ATRN: variants seen among roughly 807,000 people sequenced by gnomAD.
The protein encoded by ATRN is attractin.
ATRN carries 54 observed loss-of-function variants against 178.7 expected under a neutral mutation model. The ratio of observed to expected loss-of-function variants is 0.30; its 90% CI spans 0.24 to 0.38. The LOEUF (loss-of-function observed/expected upper bound fraction) is 0.38, where lower values mean the gene tolerates loss of function less well. ATRN is among the 10% of genes least tolerant of loss of function. The pLI is 1.00. For synonymous variants in ATRN, 636 were observed against 663.0 expected (o/e 0.96, Z 0.63); for missense variants, 1,443 against 1,815.1 (o/e 0.79, Z 3.73).
chr20:3,633,400 G>T lies in ATRN; in HGVS notation c.3864-911G>T, dbSNP rs867612753. On this transcript the variant is annotated intron_variant, in intron 25 of 28. Transcript: ENST00000262919. ...CAGCCAGCCCAGGAGGGCTGTGTTG[G>T]TGTCAGCAGTTGGGTGCACTGAGGT... Among the ~76,000 whole-genome samples, 11 of 152,300 alleles carry T rather than the reference G, an allele frequency of 7.2e-5. No homozygotes were observed. The South Asian group carries it at 2.1e-3, about 29-fold the overall frequency.
chr20:3,565,442 G>A lies in ATRN; in HGVS notation c.1871+10G>A, dbSNP rs774647837. 3.1e-6 allele frequency: 5 copies of A among 1,603,004 alleles called. No individual in the cohort carries two copies. In the East Asian group the frequency reaches 8.9e-5, roughly 29 times the overall value. On this transcript the variant is annotated intron_variant, in intron 11 of 28. Coordinates refer to ENST00000262919, the MANE Select transcript of ATRN (RefSeq NM_139321.3). ...CAGTCTTACACAACAGGTAATTGGA[G>A]AAGTGATTGCTCCTTTTCTTTTGTG...
At chr20:3,512,107 A>ATATATATATATATATATTTTT in intron 1 of ATRN, among the ~76,000 whole-genome samples, 13 of 106,380 alleles carry the variant, frequency 1.2e-4, no homozygotes, top group Non-Finnish European at 2.0e-4. Context: ...ATATATATAT[A>ATATATATATATATATATTTTT]TTTTTTTTTT....
In ATRN at chr20:3,594,497, A is replaced by G. The variant is rs2086496313; in HGVS notation, c.3341A>G (p.His1114Arg). The G allele has an allele frequency of 6.2e-7, 1 of 1,611,260 alleles. No individual in the cohort carries two copies. Among genetic ancestry groups the G allele is most frequent in the Non-Finnish European group, 8.5e-7 (1 of 1,178,072 alleles). ...GKCQPCKCNG[H>R]ASLCNTNTGK... ...TCTGCAGCATGCAAGTGCAATGGGCACGCGTCTCTGTGCAACACCAACACG... is the reference window on the plus strand; with the variant it reads ...TCTGCAGCATGCAAGTGCAATGGGCGCGCGTCTCTGTGCAACACCAACACG... Residue 1114 changes from histidine (H) to arginine (R), a missense_variant, in exon 20 of 29, where the codon CAC becomes CGC. His to Arg is a conservative substitution (Grantham distance 29). Coordinates refer to ENST00000262919, the MANE Select transcript of ATRN (RefSeq NM_139321.3).
chr20:3,575,739 C>T, intron 12 of ATRN, 88 bp from the exon 13 acceptor site: 1 of 1,426,694 alleles, frequency 7.0e-7, no homozygotes, highest in South Asian at 1.4e-5. Flanking sequence ...TACTTCTTAA[C>T]CATTGTTACG....
intron 19 of ATRN, among the ~76,000 whole-genome samples, chr20:3,594,017 C>T (rs190707644): frequency 5.3e-5 from 8 of 152,246 alleles, no homozygotes; most frequent in Admixed American, 3.3e-4. Flanking sequence ...TGCGGTGATT[C>T]CAAATGTGAC....
intron 9 of ATRN, 49 bp downstream of exon 9, chr20:3,562,508 G>T: frequency 6.4e-7 from 1 of 1,571,978 alleles, no homozygotes; most frequent in East Asian, 2.2e-5. Context: ...ATTCTGTAGA[G>T]GCAATTGTGG....
chr20:3,507,985 G>C (rs544460274), intron 1 of ATRN, among the ~76,000 whole-genome samples: 15 of 151,916 alleles, frequency 9.9e-5, no homozygotes, highest in Non-Finnish European at 1.9e-4. Context: ...TTACAGACAT[G>C]AGCCACCGCG....
chr20:3,522,891 C>G (rs1446424907), intron 1 of ATRN, among the ~76,000 whole-genome samples: 2 of 152,098 alleles, frequency 1.3e-5, no homozygotes, highest in Non-Finnish European at 2.9e-5. Flanking sequence ...GACGTCCATA[C>G]AGAAACCCCA....
In ATRN at chr20:3,576,996, C is replaced by T. The variant is rs767625518; in HGVS notation, c.2352C>T (p.Pro784=). 9.9e-6 allele frequency: 16 copies of T among 1,613,688 alleles called. No individual in the cohort carries two copies. Among genetic ancestry groups the T allele is most frequent in the Middle Eastern group, 1.6e-4 (1 of 6,074 alleles). The stretch of plus-strand genomic sequence containing the variant: ...GGAATCAGGAGTGCATTGCCCTGCC[C>T]GGTAGGCCTTGCAGGGTCATCTTGG... ...EPRNQECIAL[P]ENICGIGWHL... is the part of the protein sequence containing the mutation. Residue 784 remains proline, a splice_region_variant and synonymous_variant, in exon 14 of 29, where the codon CCC becomes CCT. Transcript: ENST00000262919.
At chr20:3,610,997 A>G (rs2146300305) in intron 24 of ATRN, among the ~76,000 whole-genome samples, 1 of 152,300 alleles carries the variant, frequency 6.6e-6, no homozygotes, top group East Asian at 1.9e-4. Flanking sequence ...ATAGGCAACT[A>G]AAGGAATCTC....
At chr20:3,615,826 A>G (rs1279562760) in intron 24 of ATRN, 5 of 455,026 alleles carry the variant, frequency 1.1e-5, no homozygotes, top group African/African-American at 1.0e-4. Flanking sequence ...TCTCATTCAT[A>G]GGTGCAAACT....
At chr20:3,573,509 G>T (rs1222971187) in intron 12 of ATRN, among the ~76,000 whole-genome samples, 2 of 152,106 alleles carry the variant, frequency 1.3e-5, no homozygotes, top group African/African-American at 4.8e-5. Flanking sequence ...TTTTTTGGTG[G>T]AGGGAGGGAG....
intron 15 of ATRN, among the ~76,000 whole-genome samples, chr20:3,579,523 TCTC>T (rs1162305626): frequency 6.6e-6 from 1 of 151,852 alleles, no homozygotes; most frequent in Non-Finnish European, 1.5e-5. Context: ...GAAATGTACA[TCTC>T]CTTGGGTCTT....
At chr20:3,588,976 C>CTTTTTTTT (rs1375444238) in intron 18 of ATRN, among the ~76,000 whole-genome samples, 8 of 57,612 alleles carry the variant, frequency 1.4e-4, no homozygotes, top group African/African-American at 4.5e-4. Flanking sequence ...GTAGTATTTT[C>CTTTTTTTT]TTTTGTTTTT....
At chr20:3,498,741 A>C (rs1178064472) in intron 1 of ATRN, among the ~76,000 whole-genome samples, 3 of 151,594 alleles carry the variant, frequency 2.0e-5, no homozygotes, top group Admixed American at 1.3e-4. Context: ...GAATAGGCAA[A>C]AACTGGAAGC....
At chr20:3,598,468 G>T (rs940511869) in intron 22 of ATRN, among the ~76,000 whole-genome samples, 8 of 152,194 alleles carry the variant, frequency 5.3e-5, no homozygotes, top group African/African-American at 1.9e-4. Flanking sequence ...GGGACACTCT[G>T]CTCCTAGAGT....
chr20:3,501,133 A>G (rs1237755021), intron 1 of ATRN, among the ~76,000 whole-genome samples: 1 of 152,142 alleles, frequency 6.6e-6, no homozygotes, highest in African/African-American at 2.4e-5. Flanking sequence ...TTCTGGAAGC[A>G]TGCATTGTTA....
Position 3,632,087 on chromosome 20 carries a change from C to T in ATRN, c.3864-2224C>T, listed in dbSNP as rs1216641460. Among the ~76,000 whole-genome samples the T allele has an allele frequency of 2.0e-5, 3 of 152,106 alleles. No homozygotes were observed. The highest frequency in any genetic ancestry group is 2.0e-4 in the Admixed American group (3 of 15,274). ...CCAGCCCAGACCTGGCAGCCAGCCT[C>T]CAGGTTAGAATATCTGCCCAGGACA... On this transcript the variant is annotated intron_variant, in intron 25 of 28. Coordinates refer to ENST00000262919, the MANE Select transcript of ATRN (RefSeq NM_139321.3). The surrounding 1 kb of genome is among the most constrained non-coding windows in gnomAD (Gnocchi z 4.2).
chr20:3,583,413 G>A (rs2086307608), intron 16 of ATRN, among the ~76,000 whole-genome samples: 2 of 152,166 alleles, frequency 1.3e-5, no homozygotes, highest in Admixed American at 6.5e-5. Context: ...TTCCACAAGT[G>A]TGTAAATACA....
Sources: allele counts gnomAD v4.1 joint callset (sites outside exome capture counted in the v4.1 genomes callset), GRCh38; gene constraint gnomAD v4.1.1; non-coding constraint Gnocchi (gnomAD v3.1); transcripts MANE v1.5; gene names NCBI Gene and HGNC (gene_info 2026-07-23, HGNC 2026-07-21).